RBFOX1: variants seen among roughly 807,000 people sequenced by gnomAD.
RBFOX1 encodes RNA binding protein fox-1 homolog 1.
RBFOX1 carries 8 observed loss-of-function variants against 57.7 expected under a neutral mutation model. The observed-to-expected ratio is 0.14, with a 90% CI of 0.08 to 0.25. The LOEUF (loss-of-function observed/expected upper bound fraction) is 0.25, where lower values mean the gene tolerates loss of function less well. Among genes scored for constraint, RBFOX1 ranks in the 10% least tolerant of loss-of-function variants. The pLI, the probability that RBFOX1 is intolerant of heterozygous loss-of-function variation, is 1.00. For synonymous variants in RBFOX1, 326 were observed against 222.4 expected, an observed-to-expected ratio of 1.47 and a Z score of -4.15; for missense variants, 611 against 548.5, an observed-to-expected ratio of 1.11 and a Z score of -1.14.
intron 4 of RBFOX1, among the ~76,000 whole-genome samples, chr16:7,247,251 C>A (rs1386075922): frequency 1.3e-5 from 2 of 152,114 alleles, no homozygotes; most frequent in Admixed American, 6.5e-5. Context: ...TGTGCAAACG[C>A]CTTCAAGCCT....
intron 3 of RBFOX1, among the ~76,000 whole-genome samples, chr16:6,987,874 C>T (rs747184679): frequency 3.1e-4 from 47 of 152,266 alleles, no homozygotes; most frequent in Non-Finnish European, 1.0e-4. Context: ...AAAGCAGCCA[C>T]ATTTTATCCC....
chr16:5,316,296 A>G (rs908126873), intron 1 of RBFOX1, among the ~76,000 whole-genome samples: 4 of 152,162 alleles, frequency 2.6e-5, no homozygotes, highest in Non-Finnish European at 2.9e-5. Context: ...TCCTCAAGAC[A>G]CTTGCCTCAG....
intron 1 of RBFOX1, among the ~76,000 whole-genome samples, chr16:6,166,557 G>T (rs1267073528): frequency 6.6e-6 from 1 of 152,040 alleles, no homozygotes; most frequent in Admixed American, 6.6e-5. Context: ...TTCGTGTGGT[G>T]ACAAGGGTGA....
rs11639650 is a variant in RBFOX1 at position 5,370,547 on chromosome 16, C to T, written c.220-96669C>T. On this transcript the variant is annotated intron_variant, in intron 1 of 2. Coordinates refer to the RBFOX1 transcript ENST00000585867. ...TCACTTTGTCACCCAGGATGGAATG[C>T]AGCAGTGTAATCTCAGCTCAGCGTA... is the stretch of plus-strand genomic sequence containing the variant. Among the ~76,000 whole-genome samples, 930 of 151,346 alleles carry T rather than the reference C, an allele frequency of 6.1e-3. 4 individuals are homozygous for T. Among genetic ancestry groups the T allele is most frequent in the Non-Finnish European group, 0.01 (680 of 67,948 alleles).
At chr16:6,411,199 T>A (rs1374940356) in intron 2 of RBFOX1, among the ~76,000 whole-genome samples, 1 of 152,120 alleles carries the variant, frequency 6.6e-6, no homozygotes, top group Non-Finnish European at 1.5e-5. Context: ...TCCAAGTTGG[T>A]CTTGAACCCC....
intron 2 of RBFOX1, among the ~76,000 whole-genome samples, chr16:6,630,491 C>G (rs961019823): frequency 6.6e-6 from 1 of 152,150 alleles, no homozygotes; most frequent in African/African-American, 2.4e-5. Flanking sequence ...AAATTTCCTT[C>G]TAACATGGTC....
chr16:7,219,438 A>G (rs1263320371), intron 4 of RBFOX1, among the ~76,000 whole-genome samples: 1 of 152,188 alleles, frequency 6.6e-6, no homozygotes, highest in Non-Finnish European at 1.5e-5. Flanking sequence ...TTGGGGGGAA[A>G]GAGAACCGTC....
At chr16:5,432,674 G>C (rs548278032) in intron 1 of RBFOX1, among the ~76,000 whole-genome samples, 1 of 151,632 alleles carries the variant, frequency 6.6e-6, no homozygotes, top group African/African-American at 2.4e-5. Flanking sequence ...AGGTCAAAGA[G>C]GGCTGACTGT....
chr16:5,790,489 A>G (rs571082633), intron 3 of RBFOX1, among the ~76,000 whole-genome samples: 1 of 149,502 alleles, frequency 6.7e-6, no homozygotes, highest in Non-Finnish European at 1.5e-5. Flanking sequence ...GTTGATGAAG[A>G]TGCAAGGAAA....
In RBFOX1 at chr16:7,711,352, G is replaced by C. The variant is rs927679166; in HGVS notation, c.*607G>C. ...TCATGTTGTTAAGGGGGTGCTTCTA[G>C]TAGCACTTGTGCATCTGAGTTGAAT... is the stretch of plus-strand genomic sequence containing the variant. On this transcript the variant is annotated 3_prime_UTR_variant, in exon 16 of 16. Transcript: ENST00000550418. 1.3e-5 allele frequency: 2 copies of C among 152,522 alleles called. No individual in the cohort carries two copies. Among genetic ancestry groups the C allele is most frequent in the African/African-American group, 2.4e-5 (1 of 41,428 alleles). 9.4% of individuals were successfully genotyped at this position (152,522 alleles called of 1,614,324 possible).
At chr16:6,609,846 A>T (rs1354792387) in intron 2 of RBFOX1, among the ~76,000 whole-genome samples, 1 of 152,036 alleles carries the variant, frequency 6.6e-6, no homozygotes, top group East Asian at 1.9e-4. Context: ...CATCTTTAGT[A>T]AATATATGAA....
chr16:6,893,502 A>T (rs1391691848), intron 3 of RBFOX1, among the ~76,000 whole-genome samples: 3 of 152,192 alleles, frequency 2.0e-5, no homozygotes, highest in Non-Finnish European at 4.4e-5. Flanking sequence ...CAGTATCAAC[A>T]GCTGGGGCTC....
chr16:5,814,510 C>T (rs1247510218), intron 3 of RBFOX1, among the ~76,000 whole-genome samples: 1 of 152,160 alleles, frequency 6.6e-6, no homozygotes, highest in Non-Finnish European at 1.5e-5. Flanking sequence ...CCATCAATGC[C>T]CAATTCACAG....
rs1272209368 is a variant in RBFOX1, at chr16:6,225,700, CTT to C, written c.-126-91292_-126-91291del. 2.0e-5 allele frequency among the ~76,000 whole-genome samples: 3 copies of C among 152,306 alleles called. No individual in the cohort carries two copies. The South Asian group carries it at 6.2e-4, about 32-fold the overall frequency. On this transcript the variant is annotated intron_variant, in intron 1 of 15. Coordinates refer to ENST00000550418, the MANE Select transcript of RBFOX1 (RefSeq NM_018723.4). ...TAAAATGTAATACCCTGCTCACACT[CTT>C]TTGTCTTGAATGAAATTGGTTTTCA...
At chr16:5,310,477 A>T (rs183442184) in intron 1 of RBFOX1, among the ~76,000 whole-genome samples, 22 of 152,188 alleles carry the variant, frequency 1.4e-4, no homozygotes, top group African/African-American at 5.3e-4. Flanking sequence ...GGTATAGTGA[A>T]CTCAGGCACA....
At chr16:6,534,642 T>C (rs542777128) in intron 2 of RBFOX1, among the ~76,000 whole-genome samples, 2 of 152,320 alleles carry the variant, frequency 1.3e-5, no homozygotes, top group East Asian at 1.9e-4. Context: ...ATCTACCTTT[T>C]ATATAAATGC....
At chr16:6,314,740 T>A (rs1390433320) in intron 1 of RBFOX1, among the ~76,000 whole-genome samples, 1 of 152,178 alleles carries the variant, frequency 6.6e-6, no homozygotes, top group East Asian at 1.9e-4. Context: ...ATGCAAATTT[T>A]GATATGAAGT....
Position 6,869,828 on chromosome 16 carries a change from C to G in RBFOX1, c.-15-182229C>G, listed in dbSNP as rs575927507. On this transcript the variant is annotated intron_variant, in intron 3 of 15. Transcript: ENST00000550418. ...CTGGTTGGTTTTGAAGACACATGAG[C>G]TGACTGCTTCACGGGAATCAGGAAT... Among the ~76,000 whole-genome samples the G allele has an allele frequency of 2.6e-5, 4 of 152,226 alleles. No individual in the cohort carries two copies. In the East Asian group the frequency reaches 7.7e-4, roughly 29 times the overall value.
intron 2 of RBFOX1, among the ~76,000 whole-genome samples, chr16:5,472,155 A>G (rs1163027567): frequency 2.0e-5 from 3 of 152,074 alleles, no homozygotes; most frequent in South Asian, 4.2e-4. Context: ...CCTGCCTTCT[A>G]GCATCACCAG....
Sources: allele counts gnomAD v4.1 joint callset (sites outside exome capture counted in the v4.1 genomes callset), GRCh38; gene constraint gnomAD v4.1.1; transcripts MANE v1.5; gene names NCBI Gene and HGNC (gene_info 2026-07-23, HGNC 2026-07-21).